The following PCDHA5 variants were observed in gnomAD, a reference collection of about 807,000 sequenced individuals.
The protein encoded by PCDHA5 is protocadherin alpha 5.
PCDHA5 carries 43 observed loss-of-function variants against 61.6 expected under a neutral mutation model. The observed-to-expected ratio is 0.70, with a 90% confidence interval of 0.55 to 0.90. The LOEUF is 0.90. Among genes scored for constraint, PCDHA5 ranks in the 40% least tolerant of loss-of-function variants. The probability of loss-of-function intolerance (pLI) is 0.00; values close to 1 mark genes in which losing one functional copy is unlikely to be tolerated. For missense variants in PCDHA5, 1,298 were observed against 1,222.7 expected (o/e 1.06, Z -0.92); for synonymous variants, 627 against 543.9 (o/e 1.15, Z -2.13).
intron 3 of PCDHA5, among the ~76,000 whole-genome samples, chr5:141,000,387 CTCTCTCTCTA>C (rs1244377903): frequency 2.3e-3 from 152 of 66,802 alleles, no homozygotes; most frequent in African/African-American, 4.6e-3. Flanking sequence ...CTCTCTCTCT[CTCTCTCTCTA>C]TATATATATA....
At chr5:140,854,262 A>G in intron 1 of PCDHA5, 1 of 592,128 alleles carries the variant, frequency 1.7e-6, no homozygotes, top group South Asian at 7.2e-5. Flanking sequence ...TAAAATGTAC[A>G]TTAGTAGAAA....
rs572664608 is a variant in PCDHA5 at position 140,918,936 on chromosome 5, T to C, written c.2353-60013T>C. 6.0e-4 allele frequency among the ~76,000 whole-genome samples: 92 copies of C among 152,342 alleles called. 2 individuals are homozygous for C. Among genetic ancestry groups the C allele is most frequent in the Admixed American group, 5.2e-3 (80 of 15,310 alleles). On this transcript the variant is annotated intron_variant, in intron 1 of 3. Transcript: ENST00000529859. ...AACTACACAGCATATGGCATTTTGT[T>C]ATAATATCCTGAACAGACTAAGACA...
chr5:140,836,216 G>C lies in PCDHA5; in HGVS notation c.2352+12089G>C, dbSNP rs1311247537. On this transcript the variant is annotated intron_variant, in intron 1 of 3. Coordinates refer to ENST00000529859, the MANE Select transcript of PCDHA5 (RefSeq NM_018908.3). The stretch of plus-strand genomic sequence containing the variant: ...ACAACGCGTGGCTTTCGTATGAGTT[G>C]CAACCGGTGGCGGCCGGTGCGAGCA... The C allele has an allele frequency of 1.2e-6, 2 of 1,613,724 alleles. No individual in the cohort carries two copies. Among genetic ancestry groups the C allele is most frequent in the East Asian group, 4.5e-5 (2 of 44,868 alleles).
At chr5:140,882,018 A>C in intron 1 of PCDHA5, 2 of 559,360 alleles carry the variant, frequency 3.6e-6, no homozygotes, top group East Asian at 3.1e-5. Context: ...AAAATACTAC[A>C]TCAATGGAAA....
At position 141,010,044 on chromosome 5, in the gene PCDHA5, G is replaced by C; in HGVS notation, c.*107G>C. Reference sequence around the variant, plus strand: ...TTTCCTATCTACATGAGCCCTCTTAGAGACCTCAGAAATCTGCAGAAAGTT... The same window carrying C: ...TTTCCTATCTACATGAGCCCTCTTACAGACCTCAGAAATCTGCAGAAAGTT... On this transcript the variant is annotated 3_prime_UTR_variant, in exon 4 of 4. Coordinates refer to ENST00000529859, the MANE Select transcript of PCDHA5 (RefSeq NM_018908.3). 1.3e-6 allele frequency: 2 copies of C among 1,594,604 alleles called. No individual in the cohort carries two copies. Among genetic ancestry groups the C allele is most frequent in the Non-Finnish European group, 1.7e-6 (2 of 1,171,226 alleles).
intron 1 of PCDHA5, chr5:140,848,382 A>G (rs1781481675): frequency 8.4e-7 from 1 of 1,188,868 alleles, no homozygotes; most frequent in Non-Finnish European, 1.2e-6. Context: ...ATTCTTTTTC[A>G]CTCTCTCTGT....
chr5:140,884,456 G>A lies in PCDHA5; in HGVS notation c.2352+60329G>A, dbSNP rs1460569799. 2.5e-6 allele frequency: 4 copies of A among 1,613,650 alleles called. No individual in the cohort carries two copies. In the African/African-American group the frequency reaches 5.3e-5, roughly 22 times the overall value. The stretch of plus-strand genomic sequence containing the variant: ...GCGGTGCTCGGCACCGCCCACCGAG[G>A]GCGCGTGCGCGCCGGGCAAGCCCAC... On this transcript the variant is annotated intron_variant, in intron 1 of 3. Coordinates refer to ENST00000529859, the MANE Select transcript of PCDHA5 (RefSeq NM_018908.3).
chr5:140,822,855 G>A lies in PCDHA5; in HGVS notation c.1080G>A (p.Glu360=), dbSNP rs2150119838. The change falls in exon 1 of 4, where the codon GAG becomes GAA. Residue 360 remains glutamate (E), a synonymous_variant. Coordinates refer to ENST00000529859, the MANE Select transcript of PCDHA5 (RefSeq NM_018908.3). ...CCACCCTTTTCCTGCCTGTCAAAGA[G>A]GACGCTCCACTCAGCACGGTCATTG... ...AITTLFLPVK[E]DAPLSTVIAL... The A allele has an allele frequency of 6.2e-7, 1 of 1,614,216 alleles. No homozygotes were observed. Among genetic ancestry groups the A allele is most frequent in the Non-Finnish European group, 8.5e-7 (1 of 1,180,050 alleles).
chr5:140,874,304 A>G (rs559038069), intron 1 of PCDHA5, among the ~76,000 whole-genome samples: 1 of 152,234 alleles, frequency 6.6e-6, no homozygotes, highest in African/African-American at 2.4e-5. Flanking sequence ...ACTTGTTCAC[A>G]ATGAGTTGTA....
chr5:140,871,658 C>A, intron 1 of PCDHA5: 1 of 1,224,214 alleles, frequency 8.2e-7, no homozygotes, highest in Non-Finnish European at 1.1e-6. Flanking sequence ...TGATACACAT[C>A]TTCAGTCTTT....
chr5:140,857,553 C>T, intron 1 of PCDHA5: 1 of 1,597,008 alleles, frequency 6.3e-7, no homozygotes, highest in Non-Finnish European at 8.6e-7. Flanking sequence ...GGCGAGCGCT[C>T]GCTGTCGAGC....
At chr5:140,994,811 A>G (rs1283053490) in intron 3 of PCDHA5, among the ~76,000 whole-genome samples, 1 of 152,194 alleles carries the variant, frequency 6.6e-6, no homozygotes, top group Non-Finnish European at 1.5e-5. Context: ...ACAAAATACA[A>G]AAAACTGAAT....
At chr5:140,918,412 A>G (rs1335591362) in intron 1 of PCDHA5, among the ~76,000 whole-genome samples, 5 of 152,252 alleles carry the variant, frequency 3.3e-5, no homozygotes, top group Middle Eastern at 3.4e-3. Context: ...TCTGGCCAGG[A>G]CTTCCAGTAG....
At chr5:140,955,146 T>C (rs184262984) in intron 1 of PCDHA5, among the ~76,000 whole-genome samples, 10 of 152,338 alleles carry the variant, frequency 6.6e-5, no homozygotes, top group African/African-American at 2.4e-4. Context: ...TCTGTTTTTG[T>C]ACCAGTACCG....
chr5:140,948,255 C>G (rs1271882562), intron 1 of PCDHA5, among the ~76,000 whole-genome samples: 1 of 151,484 alleles, frequency 6.6e-6, no homozygotes, highest in Non-Finnish European at 1.5e-5. Flanking sequence ...ATTTTTACAT[C>G]TGTGTTCATG....
intron 1 of PCDHA5, chr5:140,852,499 A>G: frequency 3.9e-6 from 1 of 258,480 alleles, no homozygotes; most frequent in Non-Finnish European, 6.5e-6. Context: ...GTTGGTCTCG[A>G]ACTCCTGACC....
intron 1 of PCDHA5, among the ~76,000 whole-genome samples, chr5:140,963,686 G>A (rs181667037): frequency 2.7e-4 from 41 of 152,226 alleles, no homozygotes; most frequent in Middle Eastern, 3.4e-3. Flanking sequence ...GTGTTTATCC[G>A]TGTTTGATAT....
At chr5:140,830,049 A>G in intron 1 of PCDHA5, 1 of 1,613,626 alleles carries the variant, frequency 6.2e-7, no homozygotes, top group East Asian at 2.2e-5. Flanking sequence ...CTGGTGAAAG[A>G]CCACGGTGAG....
chr5:140,862,343 A>G (rs1347322739), intron 1 of PCDHA5: 1 of 331,934 alleles, frequency 3.0e-6, no homozygotes, highest in Non-Finnish European at 5.9e-6. Flanking sequence ...CCCTAACTTC[A>G]GTGCCAAGGG....
Sources: allele counts gnomAD v4.1 joint callset (sites outside exome capture counted in the v4.1 genomes callset), GRCh38; gene constraint gnomAD v4.1.1; transcripts MANE v1.5; gene names NCBI Gene and HGNC (gene_info 2026-07-23, HGNC 2026-07-21).